HACL1: variants seen among roughly 807,000 people sequenced by gnomAD.
The protein encoded by HACL1 is 2-hydroxyacyl-CoA lyase 1, also known as 1600020H07Rik.
HACL1 carries 64 observed loss-of-function variants against 74.2 expected under a neutral mutation model. That is an observed-to-expected ratio of 0.86 (90% CI 0.70 to 1.06). The LOEUF is 1.06. Ranked by LOEUF, HACL1 falls within the 50% of genes least tolerant of loss-of-function variation. The pLI is 0.00. For missense variants in HACL1, 728 were observed against 719.7 expected, an observed-to-expected ratio of 1.01 and a Z score of -0.13; for synonymous variants, 230 against 238.8, an observed-to-expected ratio of 0.96 and a Z score of 0.34.
chr3:15,584,347 T>C (rs1319815409), intron 7 of HACL1, among the ~76,000 whole-genome samples: 1 of 152,172 alleles, frequency 6.6e-6, no homozygotes, highest in African/African-American at 2.4e-5. Flanking sequence ...CCCAGCACTT[T>C]GTGAGGCCGA....
At chr3:15,562,263 G>T (rs1042544663) in intron 16 of HACL1, among the ~76,000 whole-genome samples, 2 of 152,140 alleles carry the variant, frequency 1.3e-5, no homozygotes, top group Non-Finnish European at 2.9e-5. Flanking sequence ...AAAACAGTCT[G>T]CCTGCTTGCT....
intron 11 of HACL1, 38 bp from the exon 12 acceptor site, chr3:15,571,807 AC>A (rs2125238931): frequency 1.6e-6 from 1 of 644,712 alleles, no homozygotes; most frequent in Non-Finnish European, 2.6e-6. Flanking sequence ...AAACACATAA[AC>A]TTTTTCTTTG....
chr3:15,579,602 C>A (rs917628143), intron 9 of HACL1, among the ~76,000 whole-genome samples: 6 of 152,040 alleles, frequency 3.9e-5, no homozygotes, highest in African/African-American at 1.2e-4. Context: ...ATTTGAGAAT[C>A]CCAAAAGGCT....
chr3:15,601,352 G>A (rs1482938641), intron 1 of HACL1, 31 bp downstream of exon 1: 1 of 1,613,270 alleles, frequency 6.2e-7, no homozygotes, highest in African/African-American at 1.3e-5. Flanking sequence ...GCTTCCGTAG[G>A]AGCCTTTCAT....
At chr3:15,585,382 TCAGTC>T in intron 6 of HACL1, 40 bp from the exon 7 acceptor site, 1 of 1,070,762 alleles carries the variant, frequency 9.3e-7, no homozygotes, top group Non-Finnish European at 1.4e-6. Flanking sequence ...TTGTAAAATC[TCAGTC>T]TTATCATATT....
chr3:15,586,575 A>G lies in HACL1; in HGVS notation c.409T>C (p.Phe137Leu). ...TCTATGCTGCTTGGGCGGGCAGAGA[A>G]CTTGGTATATAATCTACAAGCTTCA... Reference protein sequence around the residue: ...QVEACRLYTKFSARPSSIEAI... With the variant: ...QVEACRLYTKLSARPSSIEAI... Residue 137 changes from phenylalanine to leucine, a missense_variant, in exon 6 of 17, where the codon TTC becomes CTC. Phe to Leu is a conservative substitution (Grantham distance 22). Transcript: ENST00000321169. 1.3e-6 allele frequency: 2 copies of G among 1,599,212 alleles called. No individual in the cohort carries two copies. Among genetic ancestry groups the G allele is most frequent in the Non-Finnish European group, 1.7e-6 (2 of 1,167,616 alleles).
chr3:15,565,666 T>C (rs2063421652), intron 14 of HACL1, among the ~76,000 whole-genome samples: 2 of 152,130 alleles, frequency 1.3e-5, no homozygotes. Flanking sequence ...GGTAATTATT[T>C]GCTCTCCATG....
intron 16 of HACL1, among the ~76,000 whole-genome samples, chr3:15,562,319 C>T (rs1277107085): frequency 6.6e-6 from 1 of 152,144 alleles, no homozygotes; most frequent in Non-Finnish European, 1.5e-5. Flanking sequence ...GCTTACTAGG[C>T]TAGTTTTTCT....
intron 9 of HACL1, among the ~76,000 whole-genome samples, chr3:15,575,408 A>G (rs1039008606): frequency 6.6e-6 from 1 of 152,238 alleles, no homozygotes. Context: ...AAGGCAAAAA[A>G]CAAAATCACC....
Position 15,601,505 on chromosome 3 carries a change from A to C in HACL1, c.-42T>G. The C allele has an allele frequency of 1.2e-6, 2 of 1,609,922 alleles. No homozygotes were observed. The highest frequency in any genetic ancestry group is 8.5e-7 in the Non-Finnish European group (1 of 1,180,008). On this transcript the variant is annotated 5_prime_UTR_variant, in exon 1 of 17. Coordinates refer to ENST00000321169, the MANE Select transcript of HACL1 (RefSeq NM_012260.4). The stretch of plus-strand genomic sequence containing the variant: ...CTAAGCACTCACGCAGCCGGCAAAC[A>C]AGCGGAATCATCCAGCAAGGCAAAC...
intron 3 of HACL1, among the ~76,000 whole-genome samples, chr3:15,594,089 G>A (rs1212973197): frequency 7.2e-5 from 11 of 152,124 alleles, no homozygotes; most frequent in South Asian, 6.2e-4. Flanking sequence ...ATGAGCCACC[G>A]CGCCTGGTCC....
chr3:15,589,356 G>A (rs1158346920), intron 5 of HACL1, among the ~76,000 whole-genome samples, 184 bp downstream of exon 5: 1 of 152,032 alleles, frequency 6.6e-6, no homozygotes, highest in Non-Finnish European at 1.5e-5. Flanking sequence ...AATTAGCCAG[G>A]CATGGTGGTG....
At chr3:15,601,230 GC>G (rs1462557661) in intron 1 of HACL1, 36 bp from the exon 2 acceptor site, 1 of 1,551,496 alleles carries the variant, frequency 6.4e-7, no homozygotes, top group Non-Finnish European at 8.9e-7. Flanking sequence ...AACTCCCAAG[GC>G]CCCACCATAT....
At chr3:15,588,332 G>A (rs921036251) in intron 5 of HACL1, among the ~76,000 whole-genome samples, 5 of 152,080 alleles carry the variant, frequency 3.3e-5, no homozygotes, top group Non-Finnish European at 5.9e-5. Flanking sequence ...GGTGGCTCAC[G>A]CCTGTAATCC....
intron 10 of HACL1, among the ~76,000 whole-genome samples, chr3:15,574,636 C>A (rs2063591736): frequency 6.6e-6 from 1 of 152,172 alleles, no homozygotes; most frequent in South Asian, 2.1e-4. Context: ...CCTAACAAGG[C>A]CAAATGTTTT....
chr3:15,578,960 G>GT (rs1486530379), intron 9 of HACL1, among the ~76,000 whole-genome samples: 1 of 152,232 alleles, frequency 6.6e-6, no homozygotes, highest in Non-Finnish European at 1.5e-5. Context: ...GTATGAACCA[G>GT]TACATGTCTG....
At chr3:15,594,289 C>T (rs1353634950) in intron 3 of HACL1, among the ~76,000 whole-genome samples, 2 of 152,082 alleles carry the variant, frequency 1.3e-5, no homozygotes, top group South Asian at 2.1e-4. Flanking sequence ...ACCTGTAGTG[C>T]CAGCTACTTG....
Position 15,563,342 on chromosome 3 carries a change from T to C in HACL1, c.1704+16A>G, listed in dbSNP as rs113507315. 2.8e-4 allele frequency: 442 copies of C among 1,588,996 alleles called. 1 individual carries two copies. In the African/African-American group the frequency reaches 5.2e-3, roughly 19 times the overall value. On this transcript the variant is annotated intron_variant, in intron 16 of 16. Transcript: ENST00000321169. ...GCAGATGCATTTCTTGCTTTCTGCT[T>C]AGCAACTGTATTTACCTGGGCCTTC...
chr3:15,578,519 T>G (rs1038394678), intron 9 of HACL1, among the ~76,000 whole-genome samples: 2 of 152,230 alleles, frequency 1.3e-5, no homozygotes, highest in Non-Finnish European at 2.9e-5. Flanking sequence ...AAGGCAGCCC[T>G]AGTTGCAGAA....
Sources: gnomAD v4.1 joint callset for allele counts (sites outside exome capture counted in the v4.1 genomes callset) on GRCh38, gnomAD v4.1.1 for gene constraint, MANE v1.5 for transcripts, NCBI Gene and HGNC (gene_info 2026-07-23, HGNC 2026-07-21) for gene names.